Variants in ARHGAP11B observed in about 807,000 individuals in gnomAD.
ARHGAP11B encodes the protein Rho GTPase activating protein 11B.
ARHGAP11B carries 14 observed loss-of-function variants against 27.6 expected under a neutral mutation model. The ratio of observed to expected loss-of-function variants is 0.51; its 90% CI spans 0.34 to 0.79. ARHGAP11B has a LOEUF of 0.79. Ranked by LOEUF, ARHGAP11B falls within the 30% of genes least tolerant of loss-of-function variation. ARHGAP11B has a pLI of 0.02. For synonymous variants in ARHGAP11B, 82 were observed against 114.1 expected (o/e 0.72, Z 1.80); for missense variants, 245 against 320.1 (o/e 0.77, Z 1.79).
intron 1 of ARHGAP11B, among the ~76,000 whole-genome samples, chr15:30,628,908 A>G (rs2060226158): frequency 6.6e-6 from 1 of 152,080 alleles, no homozygotes; most frequent in South Asian, 2.1e-4. Context: ...GCTGAATTCT[A>G]GTTATATATA....
At chr15:30,643,553 A>C (rs1858355465) in intron 7 of ARHGAP11B, among the ~76,000 whole-genome samples, 1 of 152,028 alleles carries the variant, frequency 6.6e-6, no homozygotes, top group Non-Finnish European at 1.5e-5. Context: ...CTGGGCGTAC[A>C]GGCGTGAGCC....
At chr15:30,635,282 T>C in intron 5 of ARHGAP11B, 94 bp downstream of exon 5, 3 of 1,543,490 alleles carry the variant, frequency 1.9e-6, no homozygotes, top group Non-Finnish European at 2.6e-6. Context: ...TTTGTTTAAA[T>C]GAGGAAAATC....
chr15:30,642,729 G>A (rs991680169), intron 7 of ARHGAP11B, among the ~76,000 whole-genome samples: 5 of 151,980 alleles, frequency 3.3e-5, no homozygotes, highest in Non-Finnish European at 7.4e-5. Flanking sequence ...TTTCCAGTCT[G>A]CAATGGTGCC....
At chr15:30,635,219 C>G in intron 5 of ARHGAP11B, 31 bp downstream of exon 5, 1 of 1,608,222 alleles carries the variant, frequency 6.2e-7, no homozygotes, top group Non-Finnish European at 8.5e-7. Flanking sequence ...AGTACAGACT[C>G]TTATCGATTA....
At chr15:30,644,549 C>T (rs1265944621) in intron 7 of ARHGAP11B, 14 of 710,780 alleles carry the variant, frequency 2.0e-5, no homozygotes, top group Non-Finnish European at 2.6e-5. Context: ...TTTTTGTCCT[C>T]ATTGATTTAT....
chr15:30,634,551 T>C, intron 4 of ARHGAP11B, 128 bp downstream of exon 4: 5 of 1,428,502 alleles, frequency 3.5e-6, no homozygotes, highest in Non-Finnish European at 4.7e-6. Flanking sequence ...TTCATTACTA[T>C]GAGGAGTATA....
At chr15:30,639,971 AGTGTGTGTGTGTGTGT>A (rs71103435) in intron 7 of ARHGAP11B, among the ~76,000 whole-genome samples, 115 of 143,276 alleles carry the variant, frequency 8.0e-4, no homozygotes, top group African/African-American at 2.8e-3. Flanking sequence ...TTCAATATAG[AGTGTGTGTGTGTGTGT>A]GTGTGTGTGT....
Position 30,626,931 on chromosome 15 carries a change from A to G in ARHGAP11B, c.111A>G (p.Thr37=). The G allele has an allele frequency of 1.9e-6, 3 of 1,613,388 alleles. 1 individual carries two copies. Among genetic ancestry groups the G allele is most frequent in the Non-Finnish European group, 2.5e-6 (3 of 1,179,676 alleles). ...AGTGCGATCGCAGGAGACATGAAAC[A>G]GCAGCCACGGAAATAGGGGTAAGTT... Residue 37 remains threonine (T), a synonymous_variant, in exon 1 of 11, where the codon ACA becomes ACG. Transcript: ENST00000428041.
At chr15:30,648,328 C>T (rs1397674019) in exon 11 of ARHGAP11B, among the ~76,000 whole-genome samples, 2 of 151,940 alleles carry the variant, frequency 1.3e-5, no homozygotes, top group Non-Finnish European at 2.9e-5. Context: ...GTGGAAAGCA[C>T]CGTAGATCAA....
At chr15:30,646,237 A>C (rs771521748) in exon 9 of ARHGAP11B, 3 of 1,008,192 alleles carry the variant, frequency 3.0e-6, no homozygotes, top group Non-Finnish European at 3.7e-6. Flanking sequence ...CTCCTTTGCT[A>C]TTTGTGCATG....
chr15:30,639,995 T>TGC (rs1267967414), intron 7 of ARHGAP11B, among the ~76,000 whole-genome samples: 37 of 151,566 alleles, frequency 2.4e-4, no homozygotes, highest in African/African-American at 7.5e-4. Flanking sequence ...TGTGTGTGTG[T>TGC]GTGTGTGTGT....
intron 7 of ARHGAP11B, among the ~76,000 whole-genome samples, chr15:30,641,206 T>C (rs2060313092): frequency 6.6e-6 from 1 of 152,044 alleles, no homozygotes; most frequent in South Asian, 2.1e-4. Flanking sequence ...CAGCCACAAT[T>C]CAACAAATTC....
intron 8 of ARHGAP11B, among the ~76,000 whole-genome samples, chr15:30,645,151 G>A (rs952218648): frequency 6.6e-6 from 1 of 151,872 alleles, no homozygotes; most frequent in African/African-American, 2.4e-5. Flanking sequence ...AGATACTTAA[G>A]GGATAATTAT....
intron 2 of ARHGAP11B, 151 bp from the exon 3 acceptor site, chr15:30,633,339 A>T: frequency 1.7e-6 from 1 of 583,302 alleles, no homozygotes; most frequent in Non-Finnish European, 2.8e-6. Flanking sequence ...GCAAGTAGAC[A>T]ACTAAAAGTA....
chr15:30,630,891 G>T, intron 2 of ARHGAP11B, 118 bp downstream of exon 2: 1 of 1,556,450 alleles, frequency 6.4e-7, no homozygotes, highest in Non-Finnish European at 8.7e-7. Flanking sequence ...ACCAGCCTGG[G>T]CAACATGGTG....
chr15:30,634,266 A>T, exon 4 of ARHGAP11B: 1 of 1,612,962 alleles, frequency 6.2e-7, no homozygotes, highest in Non-Finnish European at 8.5e-7. Flanking sequence ...GCCAGAGCCC[A>T]TTCTCCCAGC....
At chr15:30,636,563 T>C (rs967123755) in intron 6 of ARHGAP11B, among the ~76,000 whole-genome samples, 2 of 152,106 alleles carry the variant, frequency 1.3e-5, no homozygotes, top group African/African-American at 4.8e-5. Context: ...CTTCTTTACC[T>C]CCTTTGTAGA....
At chr15:30,641,849 T>G (rs1290029320) in intron 7 of ARHGAP11B, among the ~76,000 whole-genome samples, 1 of 151,686 alleles carries the variant, frequency 6.6e-6, no homozygotes, top group Non-Finnish European at 1.5e-5. Context: ...CCTGAGTAGT[T>G]GGGATTACAG....
chr15:30,631,696 T>C (rs1045989716), intron 2 of ARHGAP11B, among the ~76,000 whole-genome samples: 1 of 151,796 alleles, frequency 6.6e-6, no homozygotes, highest in Non-Finnish European at 1.5e-5. Flanking sequence ...TAAAAGAATA[T>C]TTAAGCTAAG....
Sources: gnomAD v4.1 joint callset for allele counts (sites outside exome capture counted in the v4.1 genomes callset) on GRCh38, gnomAD v4.1.1 for gene constraint, MANE v1.5 for transcripts, NCBI Gene and HGNC (gene_info 2026-07-23, HGNC 2026-07-21) for gene names.